THEMIS: variants seen among roughly 807,000 people sequenced by gnomAD.
The protein encoded by THEMIS is protein THEMIS.
A neutral mutation model predicts 52.6 loss-of-function variants in THEMIS; 37 were observed. The ratio of observed to expected loss-of-function variants is 0.70; its 90% CI spans 0.54 to 0.93. The LOEUF (loss-of-function observed/expected upper bound fraction) is 0.93. THEMIS is among the 40% of genes least tolerant of loss of function. THEMIS has a pLI of 0.00. For synonymous variants in THEMIS, 292 were observed against 272.7 expected, an observed-to-expected ratio of 1.07 and a Z score of -0.70; for missense variants, 808 against 763.1, an observed-to-expected ratio of 1.06 and a Z score of -0.69.
At chr6:127,858,541 G>A (rs541913443) in intron 1 of THEMIS, among the ~76,000 whole-genome samples, 2 of 152,116 alleles carry the variant, frequency 1.3e-5, no homozygotes, top group East Asian at 1.9e-4. Context: ...AATATAATGT[G>A]TCTTAAAATA....
intron 4 of THEMIS, among the ~76,000 whole-genome samples, chr6:127,722,643 T>A (rs537215181): frequency 1.3e-5 from 2 of 152,150 alleles, no homozygotes; most frequent in East Asian, 3.9e-4. Flanking sequence ...GCCTGCTTAT[T>A]CTTCCTCATC....
At chr6:127,869,404 GGAGTGGCA>G (rs1780087457) in intron 1 of THEMIS, among the ~76,000 whole-genome samples, 1 of 152,072 alleles carries the variant, frequency 6.6e-6, no homozygotes, top group Admixed American at 6.6e-5. Flanking sequence ...TAACTGACTG[GGAGTGGCA>G]GCTCACTGCC....
intron 3 of THEMIS, among the ~76,000 whole-genome samples, 199 bp downstream of exon 3, chr6:127,829,277 A>C (rs1253109470): frequency 6.6e-6 from 1 of 152,214 alleles, no homozygotes; most frequent in Non-Finnish European, 1.5e-5. Context: ...TACAATTTAC[A>C]ACATACTTGT....
intron 4 of THEMIS, among the ~76,000 whole-genome samples, chr6:127,804,312 A>C (rs1777630655): frequency 6.6e-6 from 1 of 152,174 alleles, no homozygotes; most frequent in Non-Finnish European, 1.5e-5. Flanking sequence ...CTAGTATTCA[A>C]ATAATATGAG....
At chr6:127,863,669 T>C (rs75417849) in intron 1 of THEMIS, among the ~76,000 whole-genome samples, 2,853 of 152,256 alleles carry the variant, frequency 0.019, 97 homozygotes, top group African/African-American at 0.066. Flanking sequence ...CTTACATGGA[T>C]GTGAATGGCA....
At chr6:127,841,975 A>T (rs1779063730) in intron 2 of THEMIS, among the ~76,000 whole-genome samples, 1 of 152,004 alleles carries the variant, frequency 6.6e-6, no homozygotes, top group South Asian at 2.1e-4. Flanking sequence ...GAATTATCTA[A>T]AAGGCAGGAG....
chr6:127,868,736 C>T (rs1010881470), intron 1 of THEMIS, among the ~76,000 whole-genome samples: 4 of 152,144 alleles, frequency 2.6e-5, no homozygotes, highest in Non-Finnish European at 5.9e-5. Flanking sequence ...AGACGATAAG[C>T]TGTTGTTTTT....
chr6:127,806,089 C>A (rs372298103), intron 4 of THEMIS, among the ~76,000 whole-genome samples: 5 of 152,006 alleles, frequency 3.3e-5, no homozygotes, highest in Admixed American at 2.0e-4. Context: ...AGGAAATTGG[C>A]AATTCAAATG....
intron 2 of THEMIS, among the ~76,000 whole-genome samples, chr6:127,844,783 A>C (rs989375566): frequency 2.6e-5 from 4 of 151,928 alleles, no homozygotes; most frequent in Admixed American, 2.6e-4. Context: ...CTATGGAGAT[A>C]ATGTAATCAA....
At chr6:127,708,050 G>T (rs1165759987), downstream of THEMIS, 2 of 151,832 alleles carry the variant, frequency 1.3e-5, no homozygotes, top group African/African-American at 4.9e-5. Flanking sequence ...AGGGCAGGGA[G>T]GACAATCTCC....
chr6:127,746,115 T>C (rs1469563576), intron 4 of THEMIS, among the ~76,000 whole-genome samples: 1 of 151,892 alleles, frequency 6.6e-6, no homozygotes, highest in Non-Finnish European at 1.5e-5. Flanking sequence ...TTCCCAAGTA[T>C]TTCTTTGACT....
At chr6:127,820,177 A>C (rs1460980591) in intron 3 of THEMIS, among the ~76,000 whole-genome samples, 1 of 152,156 alleles carries the variant, frequency 6.6e-6, no homozygotes, top group Non-Finnish European at 1.5e-5. Flanking sequence ...CTAAGAGAAA[A>C]GAGAAAGTGG....
At chr6:127,854,477 A>G (rs575660078) in intron 2 of THEMIS, among the ~76,000 whole-genome samples, 1 of 151,932 alleles carries the variant, frequency 6.6e-6, no homozygotes, top group East Asian at 1.9e-4. Context: ...ATGGGAACAT[A>G]AAAGAGAAAT....
At chr6:127,887,389 T>C (rs1380814098) in intron 1 of THEMIS, among the ~76,000 whole-genome samples, 2 of 152,148 alleles carry the variant, frequency 1.3e-5, no homozygotes, top group Non-Finnish European at 2.9e-5. Flanking sequence ...GAAACTGGGA[T>C]CCTTATACAT....
intron 2 of THEMIS, among the ~76,000 whole-genome samples, chr6:127,831,679 T>C (rs1778701202): frequency 6.6e-6 from 1 of 152,176 alleles, no homozygotes; most frequent in African/African-American, 2.4e-5. Context: ...TTTTTAGATA[T>C]AAACTTCCTG....
At chr6:127,780,178 T>C (rs1442862643) in intron 4 of THEMIS, among the ~76,000 whole-genome samples, 1 of 152,232 alleles carries the variant, frequency 6.6e-6, no homozygotes, top group Non-Finnish European at 1.5e-5. Context: ...TTTTGATCTT[T>C]GTTGGTTTAA....
chr6:127,748,372 C>A (rs1242389521), intron 4 of THEMIS, among the ~76,000 whole-genome samples: 1 of 151,954 alleles, frequency 6.6e-6, no homozygotes, highest in Non-Finnish European at 1.5e-5. Flanking sequence ...GGGAAGTGGG[C>A]ACGTGTGAAA....
chr6:127,745,633 GA>G (rs1278413506), intron 4 of THEMIS, among the ~76,000 whole-genome samples: 1 of 151,734 alleles, frequency 6.6e-6, no homozygotes, highest in East Asian at 1.9e-4. Context: ...TAGTGCAATG[GA>G]AAAAAATTTG....
the THEMIS span, among the ~76,000 whole-genome samples, chr6:127,698,550 T>C: frequency 2.0e-5 from 3 of 152,088 alleles, no homozygotes; most frequent in Non-Finnish European, 4.4e-5. Flanking sequence ...AAAAAACCTG[T>C]GAGTTTTCTC....
Sources: gnomAD v4.1 joint callset for allele counts (sites outside exome capture counted in the v4.1 genomes callset) on GRCh38, gnomAD v4.1.1 for gene constraint, MANE v1.5 for transcripts, NCBI Gene and HGNC (gene_info 2026-07-23, HGNC 2026-07-21) for gene names.